The following FSTL5 variants were observed in gnomAD, a reference collection of about 807,000 sequenced individuals.
The protein encoded by FSTL5 is follistatin like 5.
In FSTL5, 62 loss-of-function variants were observed where a neutral mutation model predicts 89.1. That is an observed-to-expected ratio of 0.70 (90% CI 0.57 to 0.86). FSTL5 has a LOEUF of 0.86. Ranked by LOEUF, FSTL5 falls within the 40% of genes least tolerant of loss-of-function variation. The pLI, the probability that FSTL5 is intolerant of heterozygous loss-of-function variation, is 0.00. For synonymous variants in FSTL5, 383 were observed against 346.2 expected (o/e 1.11, Z -1.18); for missense variants, 1,057 against 1,001.6 (o/e 1.06, Z -0.75).
chr4:161,896,773 T>C (rs1439521345), intron 4 of FSTL5, among the ~76,000 whole-genome samples: 1 of 152,200 alleles, frequency 6.6e-6, no homozygotes, highest in African/African-American at 2.4e-5. Flanking sequence ...CTTAAGACCT[T>C]ATGGAAAATA....
chr4:162,026,095 A>T (rs1019334939), intron 3 of FSTL5, among the ~76,000 whole-genome samples: 1 of 151,522 alleles, frequency 6.6e-6, no homozygotes, highest in Non-Finnish European at 1.5e-5. Flanking sequence ...TTTATTGGCA[A>T]ATAAAACAGG....
chr4:161,943,099 A>T (rs1734636003), intron 3 of FSTL5, among the ~76,000 whole-genome samples: 4 of 152,098 alleles, frequency 2.6e-5, no homozygotes, highest in Admixed American at 2.6e-4. Flanking sequence ...AAAAGAATAA[A>T]ACATCTAGGA....
chr4:161,917,739 C>G (rs1175844740), intron 4 of FSTL5, among the ~76,000 whole-genome samples: 2 of 152,024 alleles, frequency 1.3e-5, no homozygotes, highest in Non-Finnish European at 2.9e-5. Context: ...GGTTAACAAA[C>G]TTTTTCTGAA....
chr4:161,546,008 A>T lies in FSTL5; in HGVS notation c.1016-3315T>A, dbSNP rs900488814. ...GTGTTTAAAGAGTTGATAGCTAAAC[A>T]TAAAAATTTAGGAAGCTATAAAACA... On this transcript the variant is annotated intron_variant, in intron 8 of 15. Coordinates refer to ENST00000306100, the MANE Select transcript of FSTL5 (RefSeq NM_020116.5). 4.0e-5 allele frequency among the ~76,000 whole-genome samples: 6 copies of T among 151,888 alleles called. No homozygotes were observed. The South Asian group carries it at 1.2e-3, about 31-fold the overall frequency.
intron 7 of FSTL5, 82 bp downstream of exon 7, chr4:161,656,246 T>C (rs1736508156): frequency 6.0e-6 from 4 of 670,518 alleles, no homozygotes; most frequent in Non-Finnish European, 9.1e-6. Context: ...CCAATATTCA[T>C]TAAGCTCCCC....
At chr4:162,015,275 C>T (rs1736884820) in intron 3 of FSTL5, among the ~76,000 whole-genome samples, 1 of 152,056 alleles carries the variant, frequency 6.6e-6, no homozygotes, top group Non-Finnish European at 1.5e-5. Context: ...AAACACAGAA[C>T]TCAAGAAAAA....
intron 2 of FSTL5, among the ~76,000 whole-genome samples, chr4:162,083,817 T>C (rs1730197287): frequency 6.6e-6 from 1 of 151,810 alleles, no homozygotes; most frequent in Admixed American, 6.6e-5. Context: ...AAAGAAAACA[T>C]TAATTAAAAG....
Position 162,025,544 on chromosome 4 carries a change from A to C in FSTL5, c.160+8081T>G, listed in dbSNP as rs867610995. 3.9e-5 allele frequency among the ~76,000 whole-genome samples: 6 copies of C among 152,204 alleles called. No homozygotes were observed. The Middle Eastern group carries it at 0.02, about 518-fold the overall frequency. On this transcript the variant is annotated intron_variant, in intron 3 of 15. Coordinates refer to ENST00000306100, the MANE Select transcript of FSTL5 (RefSeq NM_020116.5). ...GATTATGTAGAAATTTTTCAATAGC[A>C]CAGAGCACATTTGAGCAGAATTTCC...
chr4:161,975,921 C>T (rs1269856823), intron 3 of FSTL5, among the ~76,000 whole-genome samples: 3 of 150,692 alleles, frequency 2.0e-5, no homozygotes, highest in Non-Finnish European at 4.4e-5. Context: ...CGAGACCATC[C>T]TGGCTAACAC....
chr4:161,631,481 G>C (rs1735504303), intron 7 of FSTL5, among the ~76,000 whole-genome samples: 1 of 152,298 alleles, frequency 6.6e-6, no homozygotes, highest in East Asian at 1.9e-4. Flanking sequence ...GCCAGGAATG[G>C]TGGCAGGTGC....
At chr4:161,964,234 A>C (rs2110989179) in intron 3 of FSTL5, among the ~76,000 whole-genome samples, 1 of 152,100 alleles carries the variant, frequency 6.6e-6, no homozygotes, top group Non-Finnish European at 1.5e-5. Context: ...CATCTGCCTG[A>C]GGTGGAAAAT....
chr4:161,655,306 C>T (rs1736478040), intron 7 of FSTL5, among the ~76,000 whole-genome samples: 1 of 151,540 alleles, frequency 6.6e-6, no homozygotes, highest in Non-Finnish European at 1.5e-5. Flanking sequence ...TTTTCTTGAC[C>T]TACTCATTTA....
At chr4:161,458,856 A>G (rs1733458012) in intron 14 of FSTL5, among the ~76,000 whole-genome samples, 2 of 152,340 alleles carry the variant, frequency 1.3e-5, no homozygotes, top group South Asian at 4.1e-4. Flanking sequence ...AGAAAAATGG[A>G]GAAGGCCTTG....
chr4:161,804,245 T>C, intron 4 of FSTL5, among the ~76,000 whole-genome samples: 1 of 151,968 alleles, frequency 6.6e-6, no homozygotes, highest in Non-Finnish European at 1.5e-5. Context: ...AATCACTCTA[T>C]CTTAAGGTCC....
intron 12 of FSTL5, among the ~76,000 whole-genome samples, chr4:161,484,667 T>G (rs1283486508): frequency 6.6e-6 from 1 of 152,190 alleles, no homozygotes; most frequent in East Asian, 1.9e-4. Context: ...ATTTTCAAGG[T>G]CACCAGTGGC....
chr4:161,681,129 C>G (rs1005165565), intron 6 of FSTL5, among the ~76,000 whole-genome samples: 2 of 152,012 alleles, frequency 1.3e-5, no homozygotes, highest in East Asian at 3.9e-4. Context: ...AGAAAAATAG[C>G]CTCTGAGTGT....
At chr4:161,865,324 T>C (rs1732050048) in intron 4 of FSTL5, among the ~76,000 whole-genome samples, 1 of 152,222 alleles carries the variant, frequency 6.6e-6, no homozygotes, top group Non-Finnish European at 1.5e-5. Context: ...ATATCCCTTA[T>C]GCAGTTTAAA....
intron 3 of FSTL5, among the ~76,000 whole-genome samples, chr4:162,022,580 T>G (rs1043699510): frequency 6.6e-6 from 1 of 152,174 alleles, no homozygotes; most frequent in Admixed American, 6.5e-5. Context: ...GACTCCTTTG[T>G]GTTCTAAGTC....
At chr4:161,812,523 C>CACAG (rs1730184823) in intron 4 of FSTL5, among the ~76,000 whole-genome samples, 1 of 151,826 alleles carries the variant, frequency 6.6e-6, no homozygotes, top group South Asian at 2.1e-4. Flanking sequence ...GAAAAACACA[C>CACAG]ACACACACAC....
Sources: gnomAD v4.1 joint callset for allele counts (sites outside exome capture counted in the v4.1 genomes callset) on GRCh38, gnomAD v4.1.1 for gene constraint, MANE v1.5 for transcripts, NCBI Gene and HGNC (gene_info 2026-07-23, HGNC 2026-07-21) for gene names.